Variants in TET2 observed in about 807,000 individuals in gnomAD.
The protein encoded by TET2 is methylcytosine dioxygenase TET2.
Under a neutral mutation model 142.9 loss-of-function variants are expected in TET2, and 299 were observed. The ratio of observed to expected loss-of-function variants is 2.09; its 90% CI spans 1.90 to 2.30. The LOEUF is 2.30. Among genes scored for constraint, TET2 ranks in the 30% most tolerant of loss-of-function variants. The probability of loss-of-function intolerance (pLI) is 0.00; values close to 1 mark genes in which losing one functional copy is unlikely to be tolerated. For missense variants in TET2, 2,418 were observed against 2,378.0 expected (o/e 1.02, Z -0.35); for synonymous variants, 819 against 849.0 (o/e 0.96, Z 0.61).
At chr4:105,216,320 T>TG (rs1320647089) in intron 2 of TET2, among the ~76,000 whole-genome samples, 6 of 152,176 alleles carry the variant, frequency 3.9e-5, no homozygotes, top group Non-Finnish European at 5.9e-5. Context: ...CTTTGAATTT[T>TG]AATCAAAGTT....
At chr4:105,184,071 T>C (rs572668359) in intron 1 of TET2, among the ~76,000 whole-genome samples, 3 of 152,318 alleles carry the variant, frequency 2.0e-5, no homozygotes, top group African/African-American at 7.2e-5. Context: ...CTCTGACCAG[T>C]GAGGTCAAGT....
At chr4:105,265,974 G>A (rs952595422) in intron 8 of TET2, among the ~76,000 whole-genome samples, 1 of 152,146 alleles carries the variant, frequency 6.6e-6, no homozygotes, top group African/African-American at 2.4e-5. Context: ...AAGGTGACGA[G>A]AGTTCACTAT....
At chr4:105,222,727 C>T (rs1727919067) in intron 2 of TET2, among the ~76,000 whole-genome samples, 2 of 152,060 alleles carry the variant, frequency 1.3e-5, no homozygotes, top group South Asian at 4.2e-4. Context: ...TAATTAGATC[C>T]CATTTGTCAA....
rs7693405 is a variant in TET2, at chr4:105,221,384, T to C, written c.-46-12513T>C. On this transcript the variant is annotated intron_variant, in intron 2 of 10. Coordinates refer to ENST00000380013, the MANE Select transcript of TET2 (RefSeq NM_001127208.3). The stretch of plus-strand genomic sequence containing the variant: ...CAGATCTTAAATGCAGATCTCTATC[T>C]CTGAGTTAATCTGCCTCTCATCTTC... Among the ~76,000 whole-genome samples the C allele has an allele frequency of 5.2e-3, 796 of 152,322 alleles. 6 individuals carry two copies. Among genetic ancestry groups the C allele is most frequent in the South Asian group, 0.019 (94 of 4,824 alleles).
In TET2 at chr4:105,275,641, AT is replaced by A; in HGVS notation, c.5133del (p.Arg1712AspfsTer7). ...MQGDGFSSCT[I>X]RPNVHHVGKL... ...GGGAGATGGTTTCAGCAGTTGTACC[AT>A]TAGACCAAATGTACATCATGTAGGG... On this transcript the variant is annotated frameshift_variant, in exon 11 of 11. Coordinates refer to ENST00000380013, the MANE Select transcript of TET2 (RefSeq NM_001127208.3). LOFTEE classifies it low-confidence loss of function (END_TRUNC). 6.4e-7 allele frequency: 1 copy of A among 1,552,024 alleles called. No homozygotes were observed. The highest frequency in any genetic ancestry group is 8.7e-7 in the Non-Finnish European group (1 of 1,147,048).
At chr4:105,241,798 G>A (rs2110250322) in intron 4 of TET2, 1 of 1,250,380 alleles carries the variant, frequency 8.0e-7, no homozygotes, top group Non-Finnish European at 1.0e-6. Context: ...GACTGGTAAA[G>A]TGTGGTATAA....
At chr4:105,256,565 T>C (rs1730143513) in intron 6 of TET2, among the ~76,000 whole-genome samples, 1 of 152,188 alleles carries the variant, frequency 6.6e-6, no homozygotes, top group South Asian at 2.1e-4. Flanking sequence ...GATGTTTATA[T>C]GTATGCATAT....
intron 6 of TET2, among the ~76,000 whole-genome samples, chr4:105,250,470 A>T (rs533670974): frequency 7.4e-6 from 1 of 135,072 alleles, no homozygotes; most frequent in African/African-American, 2.9e-5. Flanking sequence ...GGCTAAAGAG[A>T]TCCTCCCTCC....
chr4:105,158,249 A>C (rs1161515618), intron 1 of TET2, among the ~76,000 whole-genome samples: 4 of 151,894 alleles, frequency 2.6e-5, no homozygotes, highest in African/African-American at 9.7e-5. Context: ...GATTTTCTTT[A>C]ATTTTTTTTG....
At chr4:105,170,914 T>C (rs936256084) in intron 1 of TET2, among the ~76,000 whole-genome samples, 4 of 152,224 alleles carry the variant, frequency 2.6e-5, no homozygotes, top group Non-Finnish European at 5.9e-5. Flanking sequence ...TTCTTCCTTC[T>C]GCTTCCTTTA....
chr4:105,222,275 C>T (rs910539361), intron 2 of TET2, among the ~76,000 whole-genome samples: 1 of 152,178 alleles, frequency 6.6e-6, no homozygotes, highest in Non-Finnish European at 1.5e-5. Flanking sequence ...TTCTAGATCC[C>T]TGAGGAATCG....
rs147803185 is a variant in TET2 at position 105,195,293 on chromosome 4, C to T, written c.-47+4788C>T. On this transcript the variant is annotated intron_variant, in intron 2 of 10. Coordinates refer to ENST00000380013, the MANE Select transcript of TET2 (RefSeq NM_001127208.3). ...CTGAAAGAAAATTGCAATGTAAATA[C>T]AGGCACTAAAAACGTTTATTCATCT... is the stretch of plus-strand genomic sequence containing the variant. 2.2e-3 allele frequency among the ~76,000 whole-genome samples: 335 copies of T among 152,204 alleles called. 3 individuals are homozygous for T. The highest frequency in any genetic ancestry group is 7.6e-3 in the African/African-American group (317 of 41,538).
intron 1 of TET2, among the ~76,000 whole-genome samples, chr4:105,182,093 A>G (rs1725153530): frequency 6.6e-6 from 1 of 152,190 alleles, no homozygotes; most frequent in Admixed American, 6.5e-5. Context: ...TTCTCTGGCT[A>G]CAACCAAAGT....
At chr4:105,210,631 C>A (rs758950269) in intron 2 of TET2, among the ~76,000 whole-genome samples, 2 of 152,144 alleles carry the variant, frequency 1.3e-5, no homozygotes, top group Non-Finnish European at 2.9e-5. Flanking sequence ...CCCATTTACC[C>A]ATCCTAACAA....
rs778911750 is a variant in TET2 at position 105,236,925 on chromosome 4, A to C, written c.2983A>C (p.Thr995Pro). 65 of 1,614,038 alleles carry C rather than the reference A, an allele frequency of 4.0e-5. 1 individual carries two copies. The highest frequency in any genetic ancestry group is 5.3e-5 in the Non-Finnish European group (62 of 1,180,026). Residue 995 changes from threonine to proline, a missense_variant, in exon 3 of 11, where the codon ACA becomes CCA. By Grantham distance (38) the Thr-to-Pro change is conservative. Transcript: ENST00000380013. ...PGCKPHACMH[T>P]APPENKTWKK... ...ATGCAAGCCACATGCCTGTATGCAC[A>C]CAGCACCACCAGAAAACAAAACATG...
chr4:105,263,006 G>T (rs1166896360), intron 8 of TET2, among the ~76,000 whole-genome samples: 2 of 151,176 alleles, frequency 1.3e-5, no homozygotes, highest in Non-Finnish European at 2.9e-5. Context: ...TCCATCCTGG[G>T]TGACAAAGAT....
rs559524755 is a variant in TET2 at position 105,180,409 on chromosome 4, C to T, written c.-192-9951C>T. ...CAAATTATTACATGCCTGTGCTTCT[C>T]GGCTGTTGTAGATAGATAAAATATA... On this transcript the variant is annotated intron_variant, in intron 1 of 10. Transcript: ENST00000380013. 7.2e-5 allele frequency among the ~76,000 whole-genome samples: 11 copies of T among 152,168 alleles called. No homozygotes were observed. In the South Asian group the frequency reaches 1.9e-3, roughly 26 times the overall value.
chr4:105,179,854 T>G (rs550280419), intron 1 of TET2, among the ~76,000 whole-genome samples: 2 of 152,340 alleles, frequency 1.3e-5, no homozygotes, highest in East Asian at 3.9e-4. Context: ...GCATTCCTAG[T>G]GAGGCATGAT....
In TET2 at chr4:105,235,290, A is replaced by T; in HGVS notation, c.1348A>T (p.Lys450Ter). ...QSNTTLLREV[K>*]IEGKPEAPPS... ...TAACACAACACTTTTAAGGGAAGTGAAAATAGAGGGTAAACCTGAGGCACC... is the reference window on the plus strand; with the variant it reads ...TAACACAACACTTTTAAGGGAAGTGTAAATAGAGGGTAAACCTGAGGCACC... Residue 450 changes from lysine to a stop codon, truncating the protein, a stop_gained, in exon 3 of 11, where the codon AAA (lysine) becomes TAA (stop). Transcript: ENST00000380013. LOFTEE classifies it high-confidence loss of function. The T allele has an allele frequency of 6.2e-7, 1 of 1,614,122 alleles. No homozygotes were observed.
Sources: gnomAD v4.1 joint callset for allele counts (sites outside exome capture counted in the v4.1 genomes callset) on GRCh38, gnomAD v4.1.1 for gene constraint, MANE v1.5 for transcripts, NCBI Gene and HGNC (gene_info 2026-07-23, HGNC 2026-07-21) for gene names.